Variants in MARCHF1 observed in about 807,000 individuals in gnomAD.
The protein encoded by MARCHF1 is E3 ubiquitin-protein ligase MARCHF1.
A neutral mutation model predicts 54.2 loss-of-function variants in MARCHF1; 40 were observed. The ratio of observed to expected loss-of-function variants is 0.74; its 90% CI spans 0.57 to 0.96. MARCHF1 has a LOEUF of 0.96. Ranked by LOEUF, MARCHF1 falls within the 40% of genes least tolerant of loss-of-function variation. The pLI is 0.00. For missense variants in MARCHF1, 586 were observed against 656.5 expected, an observed-to-expected ratio of 0.89 and a Z score of 1.17; for synonymous variants, 236 against 236.3, an observed-to-expected ratio of 1.00 and a Z score of 0.01.
At chr4:164,044,033 T>C (rs764125660) in intron 2 of MARCHF1, among the ~76,000 whole-genome samples, 53 of 152,288 alleles carry the variant, frequency 3.5e-4, no homozygotes, top group Non-Finnish European at 7.6e-4. Flanking sequence ...CATATCACTA[T>C]CAGCATTTTG....
chr4:163,731,927 G>T (rs898366563), intron 4 of MARCHF1, among the ~76,000 whole-genome samples: 3 of 152,118 alleles, frequency 2.0e-5, no homozygotes, highest in Admixed American at 6.5e-5. Flanking sequence ...GCATTAAACT[G>T]CTTTCAACCA....
At chr4:163,838,423 G>C (rs764242165) in intron 4 of MARCHF1, among the ~76,000 whole-genome samples, 4 of 151,800 alleles carry the variant, frequency 2.6e-5, no homozygotes, top group African/African-American at 4.8e-5. Context: ...TTCTATTTTG[G>C]CTCCAACATT....
At chr4:164,055,096 T>G (rs896821452) in intron 2 of MARCHF1, 6 of 152,090 alleles carry the variant, frequency 3.9e-5, no homozygotes, top group African/African-American at 1.4e-4. Flanking sequence ...AAAGGTACAG[T>G]AAATCAGTGA....
At chr4:163,529,254 A>G (rs1738262090) in intron 9 of MARCHF1, among the ~76,000 whole-genome samples, 2 of 152,024 alleles carry the variant, frequency 1.3e-5, no homozygotes, top group Non-Finnish European at 1.5e-5. Flanking sequence ...TCAAAATTGT[A>G]TATCAGGACA....
intron 1 of MARCHF1, among the ~76,000 whole-genome samples, chr4:164,140,386 A>G (rs1401628599): frequency 6.6e-6 from 1 of 151,924 alleles, no homozygotes; most frequent in East Asian, 1.9e-4. Context: ...CTTTCTCAGG[A>G]AACCAACCAA....
At chr4:164,042,986 A>T (rs1273443408) in intron 2 of MARCHF1, among the ~76,000 whole-genome samples, 2 of 152,186 alleles carry the variant, frequency 1.3e-5, no homozygotes, top group Non-Finnish European at 2.9e-5. Flanking sequence ...GGGGGCTCCT[A>T]AGGCCTTGGG....
intron 1 of MARCHF1, among the ~76,000 whole-genome samples, chr4:164,117,447 A>C (rs370954927): frequency 4.6e-5 from 7 of 152,042 alleles, no homozygotes; most frequent in South Asian, 2.1e-4. Context: ...ATTGGGCTGT[A>C]AATTCTGCAT....
intron 3 of MARCHF1, among the ~76,000 whole-genome samples, chr4:163,958,748 T>C (rs1752281619): frequency 6.6e-6 from 1 of 151,968 alleles, no homozygotes; most frequent in Non-Finnish European, 1.5e-5. Context: ...AAAATTATTG[T>C]AAAAGAAGAG....
chr4:164,016,284 C>T lies in MARCHF1; in HGVS notation c.-247-27575G>A, dbSNP rs893979264. Reference sequence around the variant, plus strand: ...GCAGGCAAGGAGTGTGTGAAGGAAGCGAAGGGGGAAGAGCCCCTTATAAAG... The same window carrying T: ...GCAGGCAAGGAGTGTGTGAAGGAAGTGAAGGGGGAAGAGCCCCTTATAAAG... On this transcript the variant is annotated intron_variant, in intron 2 of 9. Coordinates refer to ENST00000514618, the MANE Select transcript of MARCHF1 (RefSeq NM_001394959.1). Among the ~76,000 whole-genome samples the T allele has an allele frequency of 9.2e-5, 14 of 152,036 alleles. No individual in the cohort carries two copies. In the East Asian group the frequency reaches 2.1e-3, roughly 23 times the overall value.
chr4:164,241,508 T>C (rs561802061), intron 1 of MARCHF1, among the ~76,000 whole-genome samples: 3 of 152,314 alleles, frequency 2.0e-5, no homozygotes, highest in East Asian at 1.9e-4. Flanking sequence ...TAAGTGTTTG[T>C]GGTTTTGTCA....
chr4:163,955,392 T>C (rs1170254596), intron 3 of MARCHF1, among the ~76,000 whole-genome samples: 1 of 147,480 alleles, frequency 6.8e-6, no homozygotes, highest in African/African-American at 2.5e-5. Context: ...AAAACTTTAA[T>C]GACTCTCACT....
chr4:164,067,001 T>G (rs1754744273), intron 2 of MARCHF1, among the ~76,000 whole-genome samples: 1 of 150,630 alleles, frequency 6.6e-6, no homozygotes, highest in African/African-American at 2.4e-5. Context: ...AAACCTGCAC[T>G]TGTACCTCTG....
intron 2 of MARCHF1, among the ~76,000 whole-genome samples, chr4:164,021,707 T>C (rs1050176310): frequency 6.6e-6 from 1 of 151,882 alleles, no homozygotes; most frequent in African/African-American, 2.4e-5. Flanking sequence ...ATACAAAAAA[T>C]TTAGCCGGGC....
intron 5 of MARCHF1, among the ~76,000 whole-genome samples, chr4:163,664,101 C>G (rs1416515505): frequency 2.0e-5 from 3 of 152,052 alleles, no homozygotes; most frequent in Non-Finnish European, 4.4e-5. Flanking sequence ...AAGGCACTTT[C>G]AATGCTGTAA....
At chr4:163,695,897 A>C (rs1400678799) in intron 5 of MARCHF1, among the ~76,000 whole-genome samples, 1 of 152,158 alleles carries the variant, frequency 6.6e-6, no homozygotes, top group Non-Finnish European at 1.5e-5. Context: ...TATGTGTGTT[A>C]AAAAGCAGTA....
intron 2 of MARCHF1, among the ~76,000 whole-genome samples, chr4:164,032,960 T>C (rs1257009518): frequency 2.0e-5 from 3 of 152,110 alleles, no homozygotes; most frequent in African/African-American, 7.2e-5. Flanking sequence ...AACAGACATA[T>C]AGACCAATGC....
At chr4:164,120,301 A>G (rs867539871) in intron 1 of MARCHF1, among the ~76,000 whole-genome samples, 1 of 152,070 alleles carries the variant, frequency 6.6e-6, no homozygotes, top group South Asian at 2.1e-4. Context: ...TTCAATATAC[A>G]TGCACCCAAC....
At chr4:164,368,043 A>T (rs1730927084) in intron 1 of MARCHF1, among the ~76,000 whole-genome samples, 1 of 106,670 alleles carries the variant, frequency 9.4e-6, no homozygotes, top group East Asian at 3.5e-4. Flanking sequence ...CAAAAAAAAG[A>T]TTTAAAAAAA....
At chr4:164,329,514 A>G (rs867679700) in intron 1 of MARCHF1, among the ~76,000 whole-genome samples, 6 of 152,230 alleles carry the variant, frequency 3.9e-5, no homozygotes, top group South Asian at 2.1e-4. Flanking sequence ...TTGTATTTCC[A>G]TCACTTATTC....
Sources: gnomAD v4.1 joint callset for allele counts (sites outside exome capture counted in the v4.1 genomes callset) on GRCh38, gnomAD v4.1.1 for gene constraint, MANE v1.5 for transcripts, NCBI Gene and HGNC (gene_info 2026-07-23, HGNC 2026-07-21) for gene names.